RYR2: variants seen among roughly 807,000 people sequenced by gnomAD.
RYR2 encodes ryanodine receptor 2, also known as cardiac muscle ryanodine receptor-calcium release channel.
In RYR2, 227 loss-of-function variants were observed where a neutral mutation model predicts 601.1. That is an observed-to-expected ratio of 0.38 (90% CI 0.34 to 0.42). The LOEUF (loss-of-function observed/expected upper bound fraction) is 0.42. Ranked by LOEUF, RYR2 falls within the 10% of genes least tolerant of loss-of-function variation. The probability of loss-of-function intolerance (pLI) is 1.00; values close to 1 mark genes in which losing one functional copy is unlikely to be tolerated. For missense variants in RYR2, 4,646 were observed against 6,156.5 expected, an observed-to-expected ratio of 0.75 and a Z score of 8.21; for synonymous variants, 2,223 against 2,175.1, an observed-to-expected ratio of 1.02 and a Z score of -0.61.
At chr1:237,123,675 T>A (rs955104323) in intron 1 of RYR2, among the ~76,000 whole-genome samples, 2 of 145,234 alleles carry the variant, frequency 1.4e-5, no homozygotes, top group Non-Finnish European at 3.0e-5. Flanking sequence ...TTTTTTTTTT[T>A]TTTGAGACGG....
intron 1 of RYR2, among the ~76,000 whole-genome samples, chr1:237,099,171 C>T (rs145323222): frequency 4.5e-4 from 69 of 151,884 alleles, no homozygotes; most frequent in African/African-American, 1.4e-3. Flanking sequence ...TTCAGCCCAG[C>T]TGGTCAGCAG....
chr1:237,234,445 A>G (rs1685331177), intron 1 of RYR2, among the ~76,000 whole-genome samples: 1 of 152,166 alleles, frequency 6.6e-6, no homozygotes, highest in African/African-American at 2.4e-5. Context: ...TCTTTTACAT[A>G]CAAAGCCTAT....
chr1:237,357,475 T>G (rs2149698659), intron 4 of RYR2, among the ~76,000 whole-genome samples: 1 of 152,348 alleles, frequency 6.6e-6, no homozygotes, highest in African/African-American at 2.4e-5. Context: ...AAGCTGCTTT[T>G]ACTTACTTTG....
At chr1:237,605,724 G>A (rs1270748508) in intron 35 of RYR2, among the ~76,000 whole-genome samples, 1 of 151,934 alleles carries the variant, frequency 6.6e-6, no homozygotes, top group East Asian at 1.9e-4. Context: ...CAAAGTCTCA[G>A]GATACAAAAT....
intron 2 of RYR2, among the ~76,000 whole-genome samples, chr1:237,309,877 G>T (rs1694347616): frequency 1.3e-5 from 2 of 152,168 alleles, no homozygotes; most frequent in African/African-American, 4.8e-5. Context: ...CAGGTGCTAA[G>T]CCCCTCACTG....
At chr1:237,508,896 C>CGA in intron 23 of RYR2, among the ~76,000 whole-genome samples, 1 of 151,156 alleles carries the variant, frequency 6.6e-6, no homozygotes, top group Non-Finnish European at 1.5e-5. Flanking sequence ...GCGCCCGCTA[C>CGA]CACGCCCGGC....
chr1:237,742,559 G>A (rs1312339345), intron 80 of RYR2, among the ~76,000 whole-genome samples: 2 of 152,144 alleles, frequency 1.3e-5, no homozygotes, highest in African/African-American at 4.8e-5. Context: ...ATATAATGAA[G>A]CACATATGTT....
chr1:237,297,890 A>C (rs568844071), intron 2 of RYR2, among the ~76,000 whole-genome samples: 1 of 150,994 alleles, frequency 6.6e-6, no homozygotes, highest in East Asian at 2.0e-4. Flanking sequence ...AGCTGGGACT[A>C]CAAGCACGTG....
chr1:237,179,906 C>T (rs1678510492), intron 1 of RYR2, among the ~76,000 whole-genome samples: 1 of 152,066 alleles, frequency 6.6e-6, no homozygotes, highest in Non-Finnish European at 1.5e-5. Context: ...TAAATTCTGC[C>T]TGATTGACCA....
chr1:237,316,826 G>T (rs1023909463), intron 2 of RYR2, among the ~76,000 whole-genome samples: 1 of 152,104 alleles, frequency 6.6e-6, no homozygotes, highest in African/African-American at 2.4e-5. Context: ...AGAGACAGAG[G>T]TCTGATCATC....
intron 1 of RYR2, among the ~76,000 whole-genome samples, chr1:237,236,348 T>C (rs1685553010): frequency 6.6e-6 from 1 of 152,142 alleles, no homozygotes; most frequent in Admixed American, 6.5e-5. Context: ...ATTTTTTTCT[T>C]AGGAAGTACC....
At chr1:237,407,593 T>C (rs538114773) in intron 10 of RYR2, among the ~76,000 whole-genome samples, 2 of 145,632 alleles carry the variant, frequency 1.4e-5, no homozygotes, top group East Asian at 4.2e-4. Context: ...CTTCTGGTGA[T>C]TTTTAAATTG....
intron 1 of RYR2, among the ~76,000 whole-genome samples, chr1:237,185,695 G>A (rs560079264): frequency 4.1e-4 from 63 of 152,160 alleles, no homozygotes; most frequent in African/African-American, 1.4e-3. Flanking sequence ...GTGTGGTTGT[G>A]CATTCTCAGG....
chr1:237,742,431 T>A, intron 80 of RYR2, 82 bp downstream of exon 80: 1 of 1,049,752 alleles, frequency 9.5e-7, no homozygotes, highest in Non-Finnish European at 1.4e-6. Context: ...TTATGTTTCT[T>A]GCTTCATGGC....
intron 98 of RYR2, among the ~76,000 whole-genome samples, chr1:237,803,571 A>G (rs972736483): frequency 1.3e-5 from 2 of 152,150 alleles, no homozygotes; most frequent in Non-Finnish European, 2.9e-5. Context: ...AAGTACTGGG[A>G]TTACAAGCGT....
chr1:237,449,054 TAC>T (rs940105110), intron 14 of RYR2, among the ~76,000 whole-genome samples: 20 of 151,894 alleles, frequency 1.3e-4, no homozygotes, highest in Non-Finnish European at 2.5e-4. Flanking sequence ...AAAGAGGAGA[TAC>T]ACACACACAC....
intron 29 of RYR2, among the ~76,000 whole-genome samples, chr1:237,586,117 T>A (rs1462109694): frequency 1.3e-5 from 2 of 152,222 alleles, no homozygotes; most frequent in Non-Finnish European, 1.5e-5. Flanking sequence ...TTGGTTTTTT[T>A]AAAATCAACT....
At chr1:237,536,627 A>G (rs956094831) in intron 25 of RYR2, among the ~76,000 whole-genome samples, 15 of 147,992 alleles carry the variant, frequency 1.0e-4, no homozygotes, top group African/African-American at 3.7e-4. Flanking sequence ...AGGCAGGAGA[A>G]TGGCGTGAAT....
intron 73 of RYR2, among the ~76,000 whole-genome samples, chr1:237,720,364 A>T (rs1689617052): frequency 6.6e-6 from 1 of 152,236 alleles, no homozygotes; most frequent in African/African-American, 2.4e-5. Flanking sequence ...GAATAAGATA[A>T]AGGTGAGACA....
Sources: allele counts gnomAD v4.1 joint callset (sites outside exome capture counted in the v4.1 genomes callset), GRCh38; gene constraint gnomAD v4.1.1; transcripts MANE v1.5; gene names NCBI Gene and HGNC (gene_info 2026-07-23, HGNC 2026-07-21).